Variants in SIPA1L1 observed in about 807,000 individuals in gnomAD.
SIPA1L1 encodes signal induced proliferation associated 1 like 1.
In SIPA1L1, 26 loss-of-function variants were observed where a neutral mutation model predicts 162.7. The observed-to-expected ratio is 0.16, with a 90% CI of 0.12 to 0.22. The LOEUF (loss-of-function observed/expected upper bound fraction) is 0.22, where lower values mean the gene tolerates loss of function less well. Ranked by LOEUF, SIPA1L1 falls within the 10% of genes least tolerant of loss-of-function variation. SIPA1L1 has a pLI of 1.00. For synonymous variants in SIPA1L1, 829 were observed against 837.4 expected (o/e 0.99, Z 0.17); for missense variants, 1,874 against 2,241.0 (o/e 0.84, Z 3.31).
intron 4 of SIPA1L1, among the ~76,000 whole-genome samples, chr14:71,564,637 G>T (rs1453242109): frequency 6.6e-6 from 1 of 151,786 alleles, no homozygotes; most frequent in African/African-American, 2.4e-5. Context: ...ACAGGCATGT[G>T]CCACCACGCC....
chr14:71,616,390 A>C (rs1567319394), intron 5 of SIPA1L1, among the ~76,000 whole-genome samples: 1 of 152,328 alleles, frequency 6.6e-6, no homozygotes, highest in East Asian at 1.9e-4. Context: ...AGCTATTTCA[A>C]GAAGTTTCCA....
chr14:71,416,088 A>C (rs1261625986), intron 2 of SIPA1L1: 1 of 152,096 alleles, frequency 6.6e-6, no homozygotes, highest in East Asian at 1.9e-4. Context: ...TACTACCGTG[A>C]GGCCAGGCAC....
intron 2 of SIPA1L1, among the ~76,000 whole-genome samples, chr14:71,323,389 GA>G (rs1172237699): frequency 6.6e-6 from 1 of 152,108 alleles, no homozygotes; most frequent in Non-Finnish European, 1.5e-5. Context: ...TATGAGAGTG[GA>G]ATTTGATGGA....
chr14:71,387,563 G>GT (rs1380727820), intron 2 of SIPA1L1, among the ~76,000 whole-genome samples: 1 of 152,182 alleles, frequency 6.6e-6, no homozygotes, highest in Non-Finnish European at 1.5e-5. Context: ...TTCTGTAGGT[G>GT]TTTAACACAG....
chr14:71,453,345 C>G (rs2045956809), intron 2 of SIPA1L1, among the ~76,000 whole-genome samples: 1 of 152,130 alleles, frequency 6.6e-6, no homozygotes. Flanking sequence ...CTCACTGCAG[C>G]CTTGACCTCC....
intron 2 of SIPA1L1, among the ~76,000 whole-genome samples, chr14:71,362,292 A>T (rs1467987913): frequency 6.6e-6 from 1 of 152,256 alleles, no homozygotes; most frequent in Non-Finnish European, 1.5e-5. Context: ...AGTTTTAAAA[A>T]ATGGGCAGTT....
chr14:71,427,665 G>A (rs2043675421), intron 2 of SIPA1L1, among the ~76,000 whole-genome samples: 1 of 152,054 alleles, frequency 6.6e-6, no homozygotes, highest in Non-Finnish European at 1.5e-5. Flanking sequence ...CAGGTTCACT[G>A]ATTCTTTCTT....
intron 7 of SIPA1L1, among the ~76,000 whole-genome samples, chr14:71,645,231 C>T (rs2042057707): frequency 6.6e-6 from 1 of 152,218 alleles, no homozygotes; most frequent in African/African-American, 2.4e-5. Flanking sequence ...TCCTCTTCCA[C>T]TTTTAAGGAC....
chr14:71,728,665 TTC>T (rs2084460827), intron 19 of SIPA1L1, among the ~76,000 whole-genome samples: 1 of 152,232 alleles, frequency 6.6e-6, no homozygotes, highest in Admixed American at 6.5e-5. Context: ...TGCTAAATCA[TTC>T]TCTCTCTGCC....
chr14:71,546,114 A>G (rs17119931), intron 4 of SIPA1L1, among the ~76,000 whole-genome samples: 3,274 of 152,222 alleles, frequency 0.022, 115 homozygotes, highest in African/African-American at 0.074. Context: ...AAAAAGTCTC[A>G]TACTTAGGTT....
At chr14:71,359,072 C>T (rs977833169) in intron 2 of SIPA1L1, among the ~76,000 whole-genome samples, 3 of 152,044 alleles carry the variant, frequency 2.0e-5, no homozygotes, top group South Asian at 2.1e-4. Context: ...TGGTTGTGTA[C>T]CCACCCAAAT....
intron 17 of SIPA1L1, among the ~76,000 whole-genome samples, chr14:71,717,794 C>T (rs749671940): frequency 9.9e-5 from 15 of 152,190 alleles, no homozygotes; most frequent in Non-Finnish European, 1.0e-4. Flanking sequence ...CAGAGACAGA[C>T]TCATTTTAGA....
chr14:71,601,793 C>T (rs1209467107), intron 5 of SIPA1L1, among the ~76,000 whole-genome samples: 1 of 152,086 alleles, frequency 6.6e-6, no homozygotes, highest in African/African-American at 2.4e-5. Context: ...TTTTCTACGT[C>T]TTCTGGATTT....
At chr14:71,628,462 T>C (rs906480835) in intron 7 of SIPA1L1, among the ~76,000 whole-genome samples, 5 of 152,232 alleles carry the variant, frequency 3.3e-5, no homozygotes, top group Non-Finnish European at 5.9e-5. Flanking sequence ...TTAATCTTTA[T>C]ACATATCCTA....
At chr14:71,531,186 G>A (rs938246886) in intron 4 of SIPA1L1, among the ~76,000 whole-genome samples, 1 of 152,146 alleles carries the variant, frequency 6.6e-6, no homozygotes, top group African/African-American at 2.4e-5. Context: ...TTTTCAGAGT[G>A]TGTTGGTTGC....
At chr14:71,606,262 G>T (rs1448973304) in intron 5 of SIPA1L1, among the ~76,000 whole-genome samples, 1 of 152,182 alleles carries the variant, frequency 6.6e-6, no homozygotes, top group Non-Finnish European at 1.5e-5. Flanking sequence ...AAAGGCACCT[G>T]CAGGCCGTGA....
intron 8 of SIPA1L1, among the ~76,000 whole-genome samples, chr14:71,652,459 A>G (rs990385727): frequency 1.3e-5 from 2 of 152,170 alleles, no homozygotes; most frequent in African/African-American, 4.8e-5. Flanking sequence ...GATCATTCCC[A>G]CTGTAGATGT....
At chr14:71,383,762 CTT>C (rs1566955786) in intron 2 of SIPA1L1, among the ~76,000 whole-genome samples, 1 of 152,028 alleles carries the variant, frequency 6.6e-6, no homozygotes, top group Non-Finnish European at 1.5e-5. Flanking sequence ...CCAGAACTCA[CTT>C]ATCACCAAGG....
chr14:71,625,229 A>G (rs749091133), intron 7 of SIPA1L1, among the ~76,000 whole-genome samples: 1 of 152,026 alleles, frequency 6.6e-6, no homozygotes, highest in African/African-American at 2.4e-5. Context: ...GTTTTAAGGT[A>G]TATTTATTGT....
Sources: gnomAD v4.1 joint callset for allele counts (sites outside exome capture counted in the v4.1 genomes callset) on GRCh38, gnomAD v4.1.1 for gene constraint, MANE v1.5 for transcripts, NCBI Gene and HGNC (gene_info 2026-07-23, HGNC 2026-07-21) for gene names.